The following BTBD7 variants were observed in gnomAD, a reference collection of about 807,000 sequenced individuals.
The protein encoded by BTBD7 is BTB domain containing 7.
In BTBD7, 38 loss-of-function variants were observed where a neutral mutation model predicts 99.9. The ratio of observed to expected loss-of-function variants is 0.38; its 90% CI spans 0.29 to 0.50. BTBD7 has a LOEUF of 0.50. BTBD7 is among the 20% of genes least tolerant of loss of function. The pLI is 0.93. For synonymous variants in BTBD7, 520 were observed against 511.4 expected (o/e 1.02, Z -0.23); for missense variants, 1,170 against 1,394.6 (o/e 0.84, Z 2.57).
At chr14:93,293,594 T>A (rs1271332701) in intron 3 of BTBD7, among the ~76,000 whole-genome samples, 1 of 152,168 alleles carries the variant, frequency 6.6e-6, no homozygotes, top group South Asian at 2.1e-4. Context: ...CCCATACCTA[T>A]CGTCTTACAT....
In BTBD7 at chr14:93,242,303, CG is replaced by C; in HGVS notation, c.3368del (p.Pro1123ArgfsTer20). Reference protein sequence around the residue: ...ISRGRRSPSKPDFLYKKSAL With the variant: ...ISRGRRSPSKXDFLYKKSAL Reference sequence around the variant, plus strand: ...GGGCAGACTTTTTGTAGAGGAAGTCCGGCTTGCTTGGTGACCTCCTTCCTCT... The same window carrying C: ...GGGCAGACTTTTTGTAGAGGAAGTCCGCTTGCTTGGTGACCTCCTTCCTCT... On this transcript the variant is annotated frameshift_variant, in exon 11 of 11. Transcript: ENST00000334746. LOFTEE classifies it high-confidence loss of function. 1.2e-6 allele frequency: 2 copies of C among 1,613,918 alleles called. No individual in the cohort carries two copies. The highest frequency in any genetic ancestry group is 1.7e-6 in the Non-Finnish European group (2 of 1,179,838).
At chr14:93,259,444 C>T (rs1398562608) in intron 5 of BTBD7, among the ~76,000 whole-genome samples, 1 of 152,152 alleles carries the variant, frequency 6.6e-6, no homozygotes, top group Non-Finnish European at 1.5e-5. Flanking sequence ...AGATCTGAAA[C>T]AAGAAGGCAG....
intron 1 of BTBD7, among the ~76,000 whole-genome samples, chr14:93,331,947 T>C (rs1284626348): frequency 6.6e-6 from 1 of 151,140 alleles, no homozygotes; most frequent in Admixed American, 6.6e-5. Context: ...ACTTTCTCAT[T>C]ACAGTAAGAT....
chr14:93,243,188 C>T (rs574877967), intron 10 of BTBD7, 100 bp from the exon 11 acceptor site: 2 of 1,157,272 alleles, frequency 1.7e-6, no homozygotes, highest in Non-Finnish European at 2.4e-6. Flanking sequence ...AAAATTAACA[C>T]ATTCTGTTTT....
At chr14:93,260,904 C>T (rs1028627923) in intron 5 of BTBD7, among the ~76,000 whole-genome samples, 1 of 147,062 alleles carries the variant, frequency 6.8e-6, no homozygotes, top group Non-Finnish European at 1.5e-5. Flanking sequence ...TATTTGTACT[C>T]TTTTTTTTTT....
At position 93,241,055 on chromosome 14, in the gene BTBD7, G is replaced by T. The variant is rs1281524796; in HGVS notation, c.*1218C>A. ...AGAGCAAGACAATTAAAGGCAGCAAGCAGTCAGTTCCGCCATCACAGCTGG... is the reference window on the plus strand; with the variant it reads ...AGAGCAAGACAATTAAAGGCAGCAATCAGTCAGTTCCGCCATCACAGCTGG... On this transcript the variant is annotated 3_prime_UTR_variant, in exon 11 of 11. Transcript: ENST00000334746. The T allele has an allele frequency of 6.6e-6, 1 of 152,072 alleles. No individual in the cohort carries two copies. Among genetic ancestry groups the T allele is most frequent in the Non-Finnish European group, 1.5e-5 (1 of 68,024 alleles). The allele number at this position is 152,072 out of a possible 1,614,324, so 9.4% of individuals were successfully genotyped here.
intron 1 of BTBD7, among the ~76,000 whole-genome samples, chr14:93,314,597 A>G (rs2053177674): frequency 6.6e-6 from 1 of 152,202 alleles, no homozygotes; most frequent in Non-Finnish European, 1.5e-5. Context: ...CAATTTTTCA[A>G]TATTATAAAT....
At chr14:93,252,827 TG>T (rs942125349) in intron 7 of BTBD7, among the ~76,000 whole-genome samples, 6 of 151,624 alleles carry the variant, frequency 4.0e-5, no homozygotes, top group African/African-American at 1.5e-4. Context: ...TTTTGTTTTT[TG>T]TTTTTTTTTT....
At chr14:93,251,912 T>C (rs1293541520) in intron 7 of BTBD7, among the ~76,000 whole-genome samples, 2 of 152,202 alleles carry the variant, frequency 1.3e-5, no homozygotes, top group African/African-American at 2.4e-5. Flanking sequence ...AGGAAGGATA[T>C]AAAATTAATC....
intron 1 of BTBD7, among the ~76,000 whole-genome samples, chr14:93,301,504 C>CATATATAT (rs146779909): frequency 1.0e-4 from 15 of 150,162 alleles, no homozygotes; most frequent in Middle Eastern, 3.4e-3. Context: ...AATATTTTTA[C>CATATATAT]ATATATATAT....
intron 1 of BTBD7, among the ~76,000 whole-genome samples, chr14:93,323,819 A>T (rs1387104848): frequency 5.3e-5 from 8 of 152,192 alleles, no homozygotes; most frequent in Non-Finnish European, 1.2e-4. Context: ...AAAATGGCTT[A>T]CAATTAGCAG....
At chr14:93,280,174 TAAC>T in intron 3 of BTBD7, among the ~76,000 whole-genome samples, 1 of 152,298 alleles carries the variant, frequency 6.6e-6, no homozygotes, top group African/African-American at 2.4e-5. Context: ...GGCACAAAAA[TAAC>T]AACTAATCAT....
intron 9 of BTBD7, among the ~76,000 whole-genome samples, chr14:93,246,879 T>C (rs573843252): frequency 1.8e-5 from 2 of 113,106 alleles, no homozygotes; most frequent in South Asian, 5.9e-4. Flanking sequence ...GGAGAAAAAC[T>C]GTAGCAAAAA....
At chr14:93,308,638 G>A (rs1037435919) in intron 1 of BTBD7, among the ~76,000 whole-genome samples, 2 of 152,194 alleles carry the variant, frequency 1.3e-5, no homozygotes, top group African/African-American at 4.8e-5. Flanking sequence ...AAAACAAAAT[G>A]TGGTGTATAC....
chr14:93,315,267 T>C (rs918678772), intron 1 of BTBD7, among the ~76,000 whole-genome samples: 1 of 152,148 alleles, frequency 6.6e-6, no homozygotes, highest in Non-Finnish European at 1.5e-5. Context: ...AACACAGTTA[T>C]TATTGTTTCA....
intron 1 of BTBD7, among the ~76,000 whole-genome samples, chr14:93,310,953 T>C (rs1428328070): frequency 6.6e-6 from 1 of 152,084 alleles, no homozygotes; most frequent in Non-Finnish European, 1.5e-5. Flanking sequence ...CTATCATTCT[T>C]TCTTTATTCA....
At chr14:93,322,020 T>C (rs545611275) in intron 1 of BTBD7, among the ~76,000 whole-genome samples, 5 of 152,020 alleles carry the variant, frequency 3.3e-5, no homozygotes, top group Non-Finnish European at 7.4e-5. Flanking sequence ...CTATATAGAG[T>C]GCAGCAGGCA....
At chr14:93,306,267 G>A (rs1481109545) in intron 1 of BTBD7, among the ~76,000 whole-genome samples, 1 of 152,040 alleles carries the variant, frequency 6.6e-6, no homozygotes, top group Non-Finnish European at 1.5e-5. Flanking sequence ...AGCAATTTAT[G>A]GGTCCACTGA....
At chr14:93,314,345 A>C (rs55995014) in intron 1 of BTBD7, among the ~76,000 whole-genome samples, 390 of 152,314 alleles carry the variant, frequency 2.6e-3, no homozygotes, top group African/African-American at 8.4e-3. Context: ...TTATTTATGA[A>C]AACTAAATTT....
Sources: allele counts gnomAD v4.1 joint callset (sites outside exome capture counted in the v4.1 genomes callset), GRCh38; gene constraint gnomAD v4.1.1; transcripts MANE v1.5; gene names NCBI Gene and HGNC (gene_info 2026-07-23, HGNC 2026-07-21).